Variants in FRMPD4 observed in about 807,000 individuals in gnomAD.
The protein encoded by FRMPD4 is FERM and PDZ domain-containing protein 4.
A neutral mutation model predicts 94.1 loss-of-function variants in FRMPD4; 22 were observed. The ratio of observed to expected loss-of-function variants is 0.23; its 90% CI spans 0.17 to 0.33. FRMPD4 has a LOEUF of 0.33. FRMPD4 is among the 10% of genes least tolerant of loss of function. FRMPD4 has a pLI of 1.00. For missense variants in FRMPD4, 1,111 were observed against 1,339.9 expected (o/e 0.83, Z 2.67); for synonymous variants, 631 against 548.6 (o/e 1.15, Z -2.10).
chrX:12,044,227 T>C (rs974449411), intron 3 of FRMPD4, among the ~76,000 whole-genome samples: 11 of 112,491 alleles, frequency 9.8e-5, no homozygotes, highest in Non-Finnish European at 1.9e-4. Context: ...GAGCTTTGTA[T>C]GCATATGCAA....
chrX:11,859,373 A>G (rs1451517465), intron 1 of FRMPD4, among the ~76,000 whole-genome samples: 1 of 112,247 alleles, frequency 8.9e-6, no homozygotes, highest in Non-Finnish European at 1.9e-5. Context: ...TTCAAATGAT[A>G]AAGTTTTGTA....
At chrX:12,167,439 A>T (rs2056140137) in intron 1 of FRMPD4, among the ~76,000 whole-genome samples, 1 of 111,003 alleles carries the variant, frequency 9.0e-6, no homozygotes, top group South Asian at 3.9e-4. Context: ...AATTTCTAAG[A>T]ATATGGGGAA....
chrX:12,589,811 C>T (rs1366993479), intron 2 of FRMPD4, among the ~76,000 whole-genome samples: 1 of 112,056 alleles, frequency 8.9e-6, no homozygotes, highest in Admixed American at 9.5e-5. Context: ...TTCTACCAAA[C>T]ATTTTCTTTT....
chrX:12,679,497 G>A (rs769167224), intron 5 of FRMPD4, among the ~76,000 whole-genome samples: 47 of 111,408 alleles, frequency 4.2e-4, no homozygotes, highest in South Asian at 1.2e-3. Flanking sequence ...AATTTCATTG[G>A]TCTCTTTAAA....
intron 3 of FRMPD4, among the ~76,000 whole-genome samples, chrX:12,040,261 A>G (rs1257667968): frequency 2.8e-5 from 3 of 106,570 alleles, no homozygotes; most frequent in Non-Finnish European, 3.8e-5. Flanking sequence ...TCTCCCTGAC[A>G]TATTGATCCT....
chrX:12,002,925 G>A (rs1427244614), intron 3 of FRMPD4, among the ~76,000 whole-genome samples: 1 of 111,356 alleles, frequency 9.0e-6, no homozygotes, highest in Non-Finnish European at 1.9e-5. Flanking sequence ...CACTAACAGA[G>A]GAGGGAATGG....
At chrX:12,548,456 A>G (rs1281334100) in intron 2 of FRMPD4, among the ~76,000 whole-genome samples, 5 of 112,314 alleles carry the variant, frequency 4.5e-5, no homozygotes, top group African/African-American at 1.6e-4. Flanking sequence ...GCCCGAAGTT[A>G]CATAGCTGCA....
chrX:12,450,882 A>AAAAG (rs1555968128), intron 1 of FRMPD4, among the ~76,000 whole-genome samples: 11 of 107,088 alleles, frequency 1.0e-4, no homozygotes, highest in South Asian at 4.2e-4. Flanking sequence ...AAAAAAAAAA[A>AAAAG]AGAGAGAGAG....
chrX:12,496,185 A>G (rs2057848009), intron 1 of FRMPD4, among the ~76,000 whole-genome samples: 1 of 112,157 alleles, frequency 8.9e-6, no homozygotes, highest in South Asian at 3.7e-4. Flanking sequence ...GTATAAGTAT[A>G]TCCTATATAT....
rs113857111 is a variant in FRMPD4 at position 12,716,150 on chromosome X, G to A, written c.1691G>A (p.Gly564Glu). ...IPQMTTFIGE[G>E]EQEAQITYID... Reference sequence around the variant, plus strand: ...CAAATGACCACCTTTATTGGCGAAGGGGAACAAGAAGCCCAGATAACATAC... The same window carrying A: ...CAAATGACCACCTTTATTGGCGAAGAGGAACAAGAAGCCCAGATAACATAC... Residue 564 changes from glycine to glutamate, a missense_variant, in exon 15 of 17, where the codon GGG (glycine) becomes GAG (glutamate). Gly to Glu is a moderately conservative substitution (Grantham distance 98). Coordinates refer to ENST00000675598, the MANE Select transcript of FRMPD4 (RefSeq NM_001368397.1). 4 of 1,207,250 alleles carry A rather than the reference G, an allele frequency of 3.3e-6. No homozygotes were observed. Among genetic ancestry groups the A allele is most frequent in the East Asian group, 3.0e-5 (1 of 33,830 alleles).
chrX:12,516,744 G>A (rs981716332), intron 2 of FRMPD4, among the ~76,000 whole-genome samples: 9 of 111,145 alleles, frequency 8.1e-5, no homozygotes, highest in African/African-American at 2.3e-4. Context: ...TGCCTGTCTT[G>A]CTAGGTTGGG....
chrX:12,621,120 C>T (rs1038217084), intron 4 of FRMPD4, among the ~76,000 whole-genome samples: 3 of 111,642 alleles, frequency 2.7e-5, no homozygotes, highest in African/African-American at 6.5e-5. Flanking sequence ...GTCCCAGCTA[C>T]GCCGGAGGCT....
intron 5 of FRMPD4, among the ~76,000 whole-genome samples, chrX:12,679,488 A>AT (rs763104407): frequency 2.7e-5 from 3 of 110,788 alleles, no homozygotes; most frequent in Admixed American, 9.6e-5. Flanking sequence ...GTGCGAGGGA[A>AT]TTTCATTGGT....
intron 1 of FRMPD4, among the ~76,000 whole-genome samples, chrX:12,408,096 G>A (rs2056688527): frequency 9.3e-6 from 1 of 107,989 alleles, no homozygotes; most frequent in Non-Finnish European, 1.9e-5. Context: ...GTCTCGAGTG[G>A]TGGCTAGACA....
chrX:12,337,939 G>T (rs1291701371), intron 1 of FRMPD4, among the ~76,000 whole-genome samples: 1 of 112,026 alleles, frequency 8.9e-6, no homozygotes, highest in Admixed American at 9.5e-5. Flanking sequence ...TTACAGTTCT[G>T]AAGACTGGGA....
chrX:12,528,390 G>A (rs1474980130), intron 2 of FRMPD4, among the ~76,000 whole-genome samples: 1 of 99,847 alleles, frequency 1.0e-5, no homozygotes, highest in African/African-American at 3.7e-5. Flanking sequence ...GTACGATCTC[G>A]GCTCACTGCA....
At chrX:12,424,595 G>A (rs2056924673) in intron 1 of FRMPD4, among the ~76,000 whole-genome samples, 1 of 111,833 alleles carries the variant, frequency 8.9e-6, no homozygotes, top group Non-Finnish European at 1.9e-5. Context: ...GTGGGACCCG[G>A]GCTTCTGCTT....
intron 2 of FRMPD4, among the ~76,000 whole-genome samples, chrX:11,867,024 TTAA>T (rs765766792): frequency 1.8e-5 from 2 of 111,132 alleles, no homozygotes; most frequent in Admixed American, 1.9e-4. Context: ...GATTACAATA[TTAA>T]TAATAATTAT....
At chrX:12,109,162 C>T (rs1191754119) in intron 3 of FRMPD4, among the ~76,000 whole-genome samples, 1 of 112,003 alleles carries the variant, frequency 8.9e-6, no homozygotes, top group Non-Finnish European at 1.9e-5. Context: ...AAATTGACCA[C>T]ATAGTTGGAA....
Sources: allele counts gnomAD v4.1 joint callset (sites outside exome capture counted in the v4.1 genomes callset), GRCh38; gene constraint gnomAD v4.1.1; transcripts MANE v1.5; gene names NCBI Gene and HGNC (gene_info 2026-07-23, HGNC 2026-07-21).